Variants in ARPP21 observed in about 807,000 individuals in gnomAD.
ARPP21 encodes the protein cAMP-regulated phosphoprotein 21.
In ARPP21, 69 loss-of-function variants were observed where a neutral mutation model predicts 113.2. The observed-to-expected ratio is 0.61, with a 90% CI of 0.50 to 0.74. The LOEUF (loss-of-function observed/expected upper bound fraction) is 0.74. Ranked by LOEUF, ARPP21 falls within the 30% of genes least tolerant of loss-of-function variation. The pLI, the probability that ARPP21 is intolerant of heterozygous loss-of-function variation, is 0.00. For synonymous variants in ARPP21, 368 were observed against 375.5 expected (o/e 0.98, Z 0.23); for missense variants, 1,070 against 1,037.4 (o/e 1.03, Z -0.43).
chr3:35,786,089 G>T (rs11720807), intron 19 of ARPP21, among the ~76,000 whole-genome samples: 4 of 152,018 alleles, frequency 2.6e-5, no homozygotes, highest in African/African-American at 9.7e-5. Flanking sequence ...CTCTTTCCAC[G>T]TTATGCTATT....
intron 19 of ARPP21, among the ~76,000 whole-genome samples, chr3:35,754,413 G>A (rs891424143): frequency 5.3e-5 from 8 of 151,866 alleles, no homozygotes; most frequent in African/African-American, 1.5e-4. Flanking sequence ...AGAGTGACAC[G>A]AGGACTTAAT....
intron 1 of ARPP21, among the ~76,000 whole-genome samples, chr3:35,674,874 C>T (rs116556982): frequency 6.6e-6 from 1 of 151,950 alleles, no homozygotes; most frequent in Non-Finnish European, 1.5e-5. Flanking sequence ...GATAGCGGTC[C>T]TGTGAAAAAC....
chr3:35,659,050 C>T (rs1362949907), intron 1 of ARPP21, among the ~76,000 whole-genome samples: 6 of 152,104 alleles, frequency 3.9e-5, no homozygotes, highest in Non-Finnish European at 8.8e-5. Context: ...GATTTCACAG[C>T]GGGAACCCCA....
chr3:35,675,151 AT>A lies in ARPP21; in HGVS notation c.-212-4626del, dbSNP rs914123337. On this transcript the variant is annotated intron_variant, in intron 1 of 20. Coordinates refer to ENST00000684406, the MANE Select transcript of ARPP21 (RefSeq NM_001385562.1). ...GCTCTGTGGTTTTCTGGGAATTTGC[AT>A]TTTTTTTTTAAAGTTTGCATCATGC... 1.2e-3 allele frequency among the ~76,000 whole-genome samples: 165 copies of A among 142,076 alleles called. 3 individuals are homozygous for A. Among genetic ancestry groups the A allele is most frequent in the African/African-American group, 3.7e-3 (127 of 34,542 alleles). The allele number at this position is 142,076 out of a possible 152,430, so 93.2% of individuals were successfully genotyped here. A position where few individuals can be genotyped will look rare whatever the true frequency, so the allele number is the denominator to read the frequency against.
At chr3:35,707,143 T>C (rs1365344094) in intron 10 of ARPP21, 61 bp downstream of exon 10, 3 of 1,282,044 alleles carry the variant, frequency 2.3e-6, no homozygotes, top group Non-Finnish European at 3.4e-6. Context: ...CTGACTGATG[T>C]TCATGTCGTC....
At chr3:35,760,351 T>C (rs1392681622) in intron 19 of ARPP21, among the ~76,000 whole-genome samples, 1 of 152,136 alleles carries the variant, frequency 6.6e-6, no homozygotes, top group African/African-American at 2.4e-5. Context: ...TCTGTCCATT[T>C]GCCTGCTGGT....
intron 15 of ARPP21, among the ~76,000 whole-genome samples, chr3:35,733,577 A>G (rs547709746): frequency 1.3e-5 from 2 of 152,314 alleles, no homozygotes; most frequent in African/African-American, 4.8e-5. Context: ...CTGTCATTCA[A>G]ACTAATTGCT....
At chr3:35,707,124 GAAGGT>G (rs775416683) in intron 10 of ARPP21, 42 bp downstream of exon 10, 70 of 1,479,992 alleles carry the variant, frequency 4.7e-5, no homozygotes, top group Non-Finnish European at 2.8e-6. Context: ...TGTTGTTTTT[GAAGGT>G]GGGCTGACTG....
chr3:35,766,087 A>G (rs2095963661), intron 19 of ARPP21, among the ~76,000 whole-genome samples: 1 of 152,144 alleles, frequency 6.6e-6, no homozygotes, highest in South Asian at 2.1e-4. Flanking sequence ...ATTTATGTGG[A>G]GTATCCAATA....
chr3:35,676,483 A>AGACATTTATATTGCCTGAAATCTTAACC (rs2077517796), intron 1 of ARPP21, among the ~76,000 whole-genome samples: 1 of 152,000 alleles, frequency 6.6e-6, no homozygotes, highest in African/African-American at 2.4e-5. Flanking sequence ...TATTTTCTTA[A>AGACATTTATATTGCCTGAAATCTTAACC]ATGTCCTCCT....
intron 19 of ARPP21, among the ~76,000 whole-genome samples, chr3:35,756,767 G>T (rs2095586504): frequency 6.6e-6 from 1 of 152,050 alleles, no homozygotes; most frequent in South Asian, 2.1e-4. Flanking sequence ...AAGCCACTGT[G>T]TGTCATATTT....
chr3:35,788,852 C>T (rs1176195895), intron 19 of ARPP21, among the ~76,000 whole-genome samples: 1 of 152,124 alleles, frequency 6.6e-6, no homozygotes, highest in Non-Finnish European at 1.5e-5. Context: ...AAACCTATTC[C>T]ATTTTCAGAT....
At chr3:35,791,953 A>G (rs2096756607) in intron 19 of ARPP21, among the ~76,000 whole-genome samples, 1 of 152,266 alleles carries the variant, frequency 6.6e-6, no homozygotes, top group East Asian at 1.9e-4. Flanking sequence ...GAGATTGTCC[A>G]GGAGAAGAGG....
chr3:35,785,428 C>T (rs983580735), intron 19 of ARPP21, among the ~76,000 whole-genome samples: 1 of 152,136 alleles, frequency 6.6e-6, no homozygotes, highest in Non-Finnish European at 1.5e-5. Context: ...ATGCTGGCTT[C>T]CCTTGGAGGC....
At chr3:35,741,227 G>A (rs2094638233) in intron 18 of ARPP21, among the ~76,000 whole-genome samples, 1 of 152,220 alleles carries the variant, frequency 6.6e-6, no homozygotes, top group African/African-American at 2.4e-5. Context: ...TCTTGTGTCT[G>A]TGACAGAAAT....
chr3:35,751,079 G>A (rs141915140), intron 19 of ARPP21, among the ~76,000 whole-genome samples: 44 of 152,240 alleles, frequency 2.9e-4, no homozygotes, highest in Admixed American at 1.1e-3. Context: ...CTTGAATGCC[G>A]TGAAGATAGA....
rs1378755024 is a variant in ARPP21 at position 35,794,224 on chromosome 3, C to A, written c.*266C>A. On this transcript the variant is annotated 3_prime_UTR_variant, in exon 21 of 21. Coordinates refer to ENST00000684406, the MANE Select transcript of ARPP21 (RefSeq NM_001385562.1). ...AAGATTTTCTCCTACCACTGAATAC[C>A]ACTGTGTAGATTATAATATCCCTAA... 3 of 497,048 alleles carry A rather than the reference C, an allele frequency of 6.0e-6. No individual in the cohort carries two copies. Among genetic ancestry groups the A allele is most frequent in the Middle Eastern group, 5.4e-4 (1 of 1,850 alleles). 30.8% of individuals were successfully genotyped at this position (497,048 alleles called of 1,614,324 possible).
intron 19 of ARPP21, among the ~76,000 whole-genome samples, chr3:35,783,233 G>A (rs2096562393): frequency 6.6e-6 from 1 of 152,042 alleles, no homozygotes; most frequent in Non-Finnish European, 1.5e-5. Context: ...TGTCTTTAGA[G>A]CAACTATGTC....
At chr3:35,759,402 T>C (rs1265197500) in intron 19 of ARPP21, among the ~76,000 whole-genome samples, 1 of 152,130 alleles carries the variant, frequency 6.6e-6, no homozygotes, top group Non-Finnish European at 1.5e-5. Flanking sequence ...TATACCGTTG[T>C]TGTTCATTTC....
Sources: gnomAD v4.1 joint callset for allele counts (sites outside exome capture counted in the v4.1 genomes callset) on GRCh38, gnomAD v4.1.1 for gene constraint, MANE v1.5 for transcripts, NCBI Gene and HGNC (gene_info 2026-07-23, HGNC 2026-07-21) for gene names.